The following NID2 variants were observed in gnomAD, a reference collection of about 807,000 sequenced individuals.
NID2 encodes nidogen-2.
Under a neutral mutation model 145.4 loss-of-function variants are expected in NID2, and 83 were observed. That is an observed-to-expected ratio of 0.57 (90% CI 0.48 to 0.69). The LOEUF (loss-of-function observed/expected upper bound fraction) is 0.69, where lower values mean the gene tolerates loss of function less well. Among genes scored for constraint, NID2 ranks in the 30% least tolerant of loss-of-function variants. The probability of loss-of-function intolerance (pLI) is 0.00; values close to 1 mark genes in which losing one functional copy is unlikely to be tolerated. For synonymous variants in NID2, 739 were observed against 701.3 expected (o/e 1.05, Z -0.85); for missense variants, 1,807 against 1,765.7 (o/e 1.02, Z -0.42).
chr14:52,068,292 T>C, intron 1 of NID2, 129 bp from the exon 2 acceptor site: 1 of 926,294 alleles, frequency 1.1e-6, no homozygotes, highest in Non-Finnish European at 1.7e-6. Context: ...CCAGGGAGTC[T>C]GGATTCAGGG....
In NID2 at chr14:52,053,669, G is replaced by C. The variant is rs548626437; in HGVS notation, c.1339C>G (p.Arg447Gly). Reference protein sequence around the residue: ...PAHPEEEIVLRSYPASGHTTP... With the variant: ...PAHPEEEIVLGSYPASGHTTP... ...GTGTGACCTGAAGCAGGGTAACTTCGAAGAACAATTTCTTCTTCAGGATGA... is the reference window on the plus strand; with the variant it reads ...GTGTGACCTGAAGCAGGGTAACTTCCAAGAACAATTTCTTCTTCAGGATGA... Residue 447 changes from arginine to glycine, a missense_variant, in exon 5 of 22, where the codon CGA (arginine) becomes GGA (glycine). By Grantham distance (125) the Arg-to-Gly change is moderately radical. Coordinates refer to ENST00000216286, the MANE Select transcript of NID2 (RefSeq NM_007361.4). 8.1e-6 allele frequency: 13 copies of C among 1,614,098 alleles called. No individual in the cohort carries two copies. The Admixed American group carries it at 2.0e-4, about 25-fold the overall frequency.
Position 52,035,852 on chromosome 14 carries a change from T to G in NID2, c.2257+2895A>C, listed in dbSNP as rs935796979. ...TGCCACCACACCTGGCTAAATTTTT[T>G]TGTGTATATATATATATATATATAT... On this transcript the variant is annotated intron_variant, in intron 9 of 21. Transcript: ENST00000216286. 1.3e-3 allele frequency among the ~76,000 whole-genome samples: 44 copies of G among 33,596 alleles called. 1 individual carries two copies. Among genetic ancestry groups the G allele is most frequent in the Middle Eastern group, 0.03 (2 of 66 alleles). The allele number at this position is 33,596 out of a possible 152,430, so 22.0% of individuals were successfully genotyped here.
Position 52,027,220 on chromosome 14 carries a change from G to T in NID2, c.2655C>A (p.Gly885=), listed in dbSNP as rs576898863. Residue 885 remains glycine (G), a synonymous_variant, in exon 12 of 22, where the codon GGC becomes GGA. Coordinates refer to ENST00000216286, the MANE Select transcript of NID2 (RefSeq NM_007361.4). ...FSCACLPGYA[G]DGHQCTDVDE... is the part of the protein sequence containing the mutation. ...ACTCACCAGTGCACTGGTGCCCATC[G>T]CCGGCATAACCAGGCAGGCAGGCAC... is the stretch of plus-strand genomic sequence containing the variant. 2.6e-6 allele frequency: 4 copies of T among 1,560,366 alleles called. No homozygotes were observed. The highest frequency in any genetic ancestry group is 3.5e-6 in the Non-Finnish European group (4 of 1,154,058).
At chr14:52,035,856 G>GTA (rs60735637) in intron 9 of NID2, among the ~76,000 whole-genome samples, 796 of 65,218 alleles carry the variant, frequency 0.012, 20 homozygotes, top group East Asian at 0.038. Context: ...ATTTTTTTGT[G>GTA]TATATATATA....
intron 5 of NID2, among the ~76,000 whole-genome samples, chr14:52,044,413 G>C (rs1293640769): frequency 1.1e-4 from 4 of 35,960 alleles, no homozygotes; most frequent in African/African-American, 3.2e-4. Flanking sequence ...GGGACTACAG[G>C]CACCCACCAC....
chr14:52,028,525 C>G (rs956189234), intron 11 of NID2, 197 bp downstream of exon 11: 11 of 484,294 alleles, frequency 2.3e-5, no homozygotes, highest in Admixed American at 1.6e-4. Flanking sequence ...ATCCACCTGC[C>G]TCAGCCTTCC....
In NID2 at chr14:52,067,948, C is replaced by G. The variant is rs1395867076; in HGVS notation, c.444G>C (p.Ala148=). ...RYVRAGFPRS[A]RFTPTHAFLA... is the part of the protein sequence containing the mutation. ...GGAAGGCGTGGGTGGGGGTAAAGCG[C>G]GCAGAGCGCGGGAAGCCAGCGCGCA... is the stretch of plus-strand genomic sequence containing the variant. The change falls in exon 2 of 22, where the codon GCG becomes GCC. Residue 148 remains alanine, a synonymous_variant. Coordinates refer to ENST00000216286, the MANE Select transcript of NID2 (RefSeq NM_007361.4). 1 of 1,611,532 alleles carries G rather than the reference C, an allele frequency of 6.2e-7. No individual in the cohort carries two copies. The highest frequency in any genetic ancestry group is 8.5e-7 in the Non-Finnish European group (1 of 1,179,224).
At chr14:52,027,180 G>A in intron 12 of NID2, 21 bp downstream of exon 12, 1 of 1,460,746 alleles carries the variant, frequency 6.8e-7, no homozygotes, top group Non-Finnish European at 9.1e-7. Flanking sequence ...CAGTCATTGA[G>A]GCTGACCTGC....
At chr14:52,058,882 G>A (rs1357458417) in intron 3 of NID2, among the ~76,000 whole-genome samples, 2 of 151,854 alleles carry the variant, frequency 1.3e-5, no homozygotes, top group Admixed American at 1.3e-4. Context: ...AAGAGAGGGT[G>A]GAACCAGAGG....
rs187156289 is a variant in NID2 at position 52,030,559 on chromosome 14, A to C, written c.2258-869T>G. Among the ~76,000 whole-genome samples, 41 of 72,070 alleles carry C rather than the reference A, an allele frequency of 5.7e-4. 1 individual carries two copies. Among genetic ancestry groups the C allele is most frequent in the East Asian group, 1.0e-3 (3 of 2,882 alleles). 47.3% of individuals were successfully genotyped at this position (72,070 alleles called of 152,430 possible). ...AAGAAAGAAAGAAAGAAAGAAAGAA[A>C]GAAAGAAAGGAAGGAAGGGAAAGAA... On this transcript the variant is annotated intron_variant, in intron 9 of 21. Coordinates refer to ENST00000216286, the MANE Select transcript of NID2 (RefSeq NM_007361.4).
At chr14:52,008,039 C>A in intron 18 of NID2, 72 bp from the exon 19 acceptor site, 2 of 1,221,150 alleles carry the variant, frequency 1.6e-6, no homozygotes, top group East Asian at 2.4e-5. Context: ...AAGCAGCCCC[C>A]AGTGATCTCC....
intron 2 of NID2, among the ~76,000 whole-genome samples, chr14:52,065,479 CTTTTTTATTTAT>C (rs1893163971): frequency 9.4e-6 from 1 of 106,848 alleles, no homozygotes; most frequent in Admixed American, 1.0e-4. Flanking sequence ...TTTCCCCTTT[CTTTTTTATTTAT>C]TTATTTATTT....
At chr14:52,042,700 T>G in intron 6 of NID2, 82 bp downstream of exon 6, 1 of 1,422,284 alleles carries the variant, frequency 7.0e-7, no homozygotes, top group Non-Finnish European at 9.8e-7. Flanking sequence ...GTTTGGTCCA[T>G]AAAGCAGAGC....
intron 5 of NID2, 47 bp from the exon 6 acceptor site, chr14:52,042,978 T>A (rs1478007790): frequency 6.3e-7 from 1 of 1,586,604 alleles, no homozygotes. Flanking sequence ...ATGATTCCAA[T>A]GTCACTGCTG....
intron 18 of NID2, 133 bp downstream of exon 18, chr14:52,010,743 A>G: frequency 1.2e-6 from 1 of 843,980 alleles, no homozygotes; most frequent in East Asian, 2.5e-5. Flanking sequence ...TTAGATCCTC[A>G]GTAAATCTTT....
At chr14:52,006,699 C>G in intron 19 of NID2, 39 bp from the exon 20 acceptor site, 1 of 1,608,696 alleles carries the variant, frequency 6.2e-7, no homozygotes, top group East Asian at 2.2e-5. Context: ...CCTTCAGCTG[C>G]TTTGCCAAAA....
intron 10 of NID2, among the ~76,000 whole-genome samples, chr14:52,029,295 A>G (rs1891712167): frequency 6.6e-6 from 1 of 152,232 alleles, no homozygotes. Flanking sequence ...AACTCAAAAC[A>G]TCCAGGAACT....
At chr14:52,036,748 A>T (rs1272722410) in intron 9 of NID2, among the ~76,000 whole-genome samples, 2 of 152,210 alleles carry the variant, frequency 1.3e-5, no homozygotes, top group African/African-American at 2.4e-5. Context: ...CATTTCCCTG[A>T]TGACTAATGA....
intron 8 of NID2, among the ~76,000 whole-genome samples, chr14:52,040,296 G>C (rs1892231119): frequency 2.0e-5 from 3 of 151,626 alleles, no homozygotes; most frequent in Non-Finnish European, 4.4e-5. Context: ...GCTGAAACAA[G>C]GTTGAGATAA....
Sources: allele counts gnomAD v4.1 joint callset (sites outside exome capture counted in the v4.1 genomes callset), GRCh38; gene constraint gnomAD v4.1.1; transcripts MANE v1.5; gene names NCBI Gene and HGNC (gene_info 2026-07-23, HGNC 2026-07-21).